The following MAP2K1 variants were observed in gnomAD, a reference collection of about 807,000 sequenced individuals.
MAP2K1 encodes dual specificity mitogen-activated protein kinase kinase 1.
In MAP2K1, 16 loss-of-function variants were observed where a neutral mutation model predicts 46.3. The ratio of observed to expected loss-of-function variants is 0.35; its 90% CI spans 0.23 to 0.52. The LOEUF (loss-of-function observed/expected upper bound fraction) is 0.52, where lower values mean the gene tolerates loss of function less well. MAP2K1 is among the 20% of genes least tolerant of loss of function. The pLI is 0.94. For synonymous variants in MAP2K1, 183 were observed against 185.6 expected, an observed-to-expected ratio of 0.99 and a Z score of 0.11; for missense variants, 263 against 497.1, an observed-to-expected ratio of 0.53 and a Z score of 4.48.
intron 5 of MAP2K1, among the ~76,000 whole-genome samples, chr15:66,475,944 T>C (rs1186878693): frequency 6.6e-6 from 1 of 152,136 alleles, no homozygotes; most frequent in South Asian, 2.1e-4. Context: ...TTTAGAGGGG[T>C]AGAAAATACT....
chr15:66,481,950 C>T, intron 6 of MAP2K1, 71 bp downstream of exon 6: 1 of 1,563,116 alleles, frequency 6.4e-7, no homozygotes, highest in Non-Finnish European at 8.7e-7. Context: ...GGTGCCTTTC[C>T]TGTGGAGCCA....
intron 7 of MAP2K1, 151 bp from the exon 8 acceptor site, chr15:66,487,076 GT>G (rs1333657435): frequency 1.5e-6 from 1 of 676,566 alleles, no homozygotes; most frequent in Non-Finnish European, 2.6e-6. Flanking sequence ...GCCTTTGCTG[GT>G]CCCCTCTGTG....
chr15:66,449,976 G>A (rs1891993499), intron 5 of MAP2K1, among the ~76,000 whole-genome samples: 1 of 143,400 alleles, frequency 7.0e-6, no homozygotes, highest in Non-Finnish European at 1.5e-5. Flanking sequence ...ATGCAAGGCT[G>A]GTTCAATATA....
intron 5 of MAP2K1, among the ~76,000 whole-genome samples, chr15:66,480,054 G>C (rs1024985597): frequency 6.6e-6 from 1 of 150,502 alleles, no homozygotes. Context: ...ACAAGCATGC[G>C]CCACCACGCT....
chr15:66,443,690 A>T (rs1412718472), intron 4 of MAP2K1, among the ~76,000 whole-genome samples: 2 of 151,990 alleles, frequency 1.3e-5, no homozygotes, highest in African/African-American at 2.4e-5. Context: ...GGGCAACATG[A>T]TGAGACCTCG....
At position 66,420,721 on chromosome 15, in the gene MAP2K1, A is replaced by ATATATATATGTGTGTG. The variant is rs1461381065; in HGVS notation, c.81-14305_81-14304insATATATATGTGTGTGT. ...TTACTCTTGGCATATATATATATAT[A>ATATATATATGTGTGTG]TGTGTGTGTGTGTGTGTGTGTGTGT... On this transcript the variant is annotated intron_variant, in intron 1 of 10. Transcript: ENST00000307102. Among the ~76,000 whole-genome samples, 3 of 29,702 alleles carry ATATATATATGTGTGTG rather than the reference A, an allele frequency of 1.0e-4. 1 individual carries two copies. The highest frequency in any genetic ancestry group is 3.5e-4 in the African/African-American group (3 of 8,480). The allele number at this position is 29,702 out of a possible 152,430, so 19.5% of individuals were successfully genotyped here.
rs1456398402 is a variant in MAP2K1 at position 66,441,079 on chromosome 15, T to C, written c.439-2201T>C. Among the ~76,000 whole-genome samples, 5 of 152,268 alleles carry C rather than the reference T, an allele frequency of 3.3e-5. No individual in the cohort carries two copies. In the East Asian group the frequency reaches 9.7e-4, roughly 29 times the overall value. ...CTGGGCTCAAGCAGTCCTCCCGCCT[T>C]AGCCTCCCAAGTAGCAGGAGGACAA... On this transcript the variant is annotated intron_variant, in intron 3 of 10. Transcript: ENST00000307102.
At chr15:66,469,520 T>C (rs948325467) in intron 5 of MAP2K1, among the ~76,000 whole-genome samples, 1 of 137,942 alleles carries the variant, frequency 7.2e-6, no homozygotes, top group African/African-American at 2.8e-5. Context: ...TCCAGGCTAT[T>C]ATAAACTATT....
chr15:66,468,895 CAGTGAG>C (rs1297835284), intron 5 of MAP2K1, among the ~76,000 whole-genome samples: 1 of 147,018 alleles, frequency 6.8e-6, no homozygotes, highest in Non-Finnish European at 1.5e-5. Context: ...TGTGCCACTG[CAGTGAG>C]CTGAGTCTGT....
At chr15:66,433,777 C>G (rs2093480559) in intron 1 of MAP2K1, among the ~76,000 whole-genome samples, 1 of 152,134 alleles carries the variant, frequency 6.6e-6, no homozygotes, top group African/African-American at 2.4e-5. Context: ...TCAGCCACCC[C>G]ACACAATTGT....
At chr15:66,474,573 G>A (rs768516982) in intron 5 of MAP2K1, among the ~76,000 whole-genome samples, 8 of 152,178 alleles carry the variant, frequency 5.3e-5, no homozygotes, top group Non-Finnish European at 8.8e-5. Flanking sequence ...GGGCTCTTGT[G>A]AAACTTTGGA....
chr15:66,454,091 T>C (rs2140621314), intron 5 of MAP2K1, among the ~76,000 whole-genome samples: 1 of 152,364 alleles, frequency 6.6e-6, no homozygotes, highest in South Asian at 2.1e-4. Flanking sequence ...CCCCATCCTC[T>C]GTGAGGCTAA....
intron 1 of MAP2K1, among the ~76,000 whole-genome samples, chr15:66,421,117 C>T (rs921583099): frequency 3.5e-5 from 3 of 84,638 alleles, no homozygotes; most frequent in African/African-American, 1.1e-4. Context: ...CACACACACA[C>T]ACACACACAT....
intron 1 of MAP2K1, among the ~76,000 whole-genome samples, chr15:66,422,018 G>T (rs774453841): frequency 1.3e-5 from 2 of 151,782 alleles, no homozygotes; most frequent in East Asian, 3.9e-4. Context: ...AGAATTAGGC[G>T]AACTGTGGTA....
At chr15:66,404,293 A>G (rs2093390525) in intron 1 of MAP2K1, among the ~76,000 whole-genome samples, 1 of 152,186 alleles carries the variant, frequency 6.6e-6, no homozygotes, top group Non-Finnish European at 1.5e-5. Context: ...TGGTGGTTGC[A>G]GTGAGCGGAG....
At chr15:66,438,191 A>G (rs1233452798) in intron 3 of MAP2K1, among the ~76,000 whole-genome samples, 1 of 150,628 alleles carries the variant, frequency 6.6e-6, no homozygotes, top group African/African-American at 2.4e-5. Context: ...GGTTCAAGTG[A>G]TTCCCCTGCC....
chr15:66,412,015 C>T (rs2093412542), intron 1 of MAP2K1, among the ~76,000 whole-genome samples: 1 of 152,078 alleles, frequency 6.6e-6, no homozygotes, highest in Non-Finnish European at 1.5e-5. Context: ...AATTTTGGTC[C>T]TTTTTGTTAA....
rs1567002884 is a variant in MAP2K1, at chr15:66,420,717, A to ATG, written c.81-14309_81-14308insGT. ...ATACTTACTCTTGGCATATATATAT[A>ATG]TATATGTGTGTGTGTGTGTGTGTGT... On this transcript the variant is annotated intron_variant, in intron 1 of 10. Coordinates refer to ENST00000307102, the MANE Select transcript of MAP2K1 (RefSeq NM_002755.4). Among the ~76,000 whole-genome samples the ATG allele has an allele frequency of 6.1e-5, 2 of 32,818 alleles. 1 individual carries two copies. The highest frequency in any genetic ancestry group is 2.3e-4 in the African/African-American group (2 of 8,854). 21.5% of individuals were successfully genotyped at this position (32,818 alleles called of 152,430 possible).
intron 1 of MAP2K1, among the ~76,000 whole-genome samples, chr15:66,410,667 T>C (rs2093409166): frequency 6.6e-6 from 1 of 152,190 alleles, no homozygotes; most frequent in Non-Finnish European, 1.5e-5. Context: ...CTACATTCTC[T>C]TGCTAATGAA....
Sources: gnomAD v4.1 joint callset for allele counts (sites outside exome capture counted in the v4.1 genomes callset) on GRCh38, gnomAD v4.1.1 for gene constraint, MANE v1.5 for transcripts, NCBI Gene and HGNC (gene_info 2026-07-23, HGNC 2026-07-21) for gene names.